PDSS2: variants seen among roughly 807,000 people sequenced by gnomAD.
The protein encoded by PDSS2 is decaprenyl diphosphate synthase subunit 2.
A neutral mutation model predicts 44.5 loss-of-function variants in PDSS2; 31 were observed. The observed-to-expected ratio is 0.70, with a 90% confidence interval of 0.52 to 0.94. The LOEUF is 0.94. Ranked by LOEUF, PDSS2 falls within the 40% of genes least tolerant of loss-of-function variation. The pLI is 0.00. For synonymous variants in PDSS2, 157 were observed against 180.3 expected (o/e 0.87, Z 1.03); for missense variants, 452 against 482.2 (o/e 0.94, Z 0.59).
intron 7 of PDSS2, chr6:107,192,247 G>A (rs996892141): frequency 2.6e-6 from 1 of 378,590 alleles, no homozygotes; most frequent in Non-Finnish European, 5.0e-6. Context: ...TGGTTTACAG[G>A]TGCTCCTATT....
At chr6:107,159,049 G>A (rs1771018513) in intron 7 of PDSS2, among the ~76,000 whole-genome samples, 1 of 152,006 alleles carries the variant, frequency 6.6e-6, no homozygotes, top group African/African-American at 2.4e-5. Context: ...TCAGTTCTAA[G>A]TGGGGATAAT....
intron 1 of PDSS2, among the ~76,000 whole-genome samples, chr6:107,335,457 A>C (rs184510737): frequency 2.4e-3 from 361 of 152,344 alleles, no homozygotes; most frequent in Non-Finnish European, 4.2e-3. Context: ...AAAGGATTAA[A>C]CCAAATTCAA....
chr6:107,272,890 T>C (rs1237923293), intron 3 of PDSS2, among the ~76,000 whole-genome samples: 2 of 152,150 alleles, frequency 1.3e-5, no homozygotes, highest in African/African-American at 4.8e-5. Flanking sequence ...CCCAGGAGTT[T>C]GAGGCTGCAG....
chr6:107,220,503 T>C (rs1773566188), intron 4 of PDSS2, among the ~76,000 whole-genome samples: 1 of 151,996 alleles, frequency 6.6e-6, no homozygotes, highest in Non-Finnish European at 1.5e-5. Flanking sequence ...TATATATCAA[T>C]ATATAGATAT....
intron 1 of PDSS2, among the ~76,000 whole-genome samples, chr6:107,435,843 T>C (rs967806186): frequency 2.0e-5 from 3 of 152,076 alleles, no homozygotes; most frequent in Non-Finnish European, 4.4e-5. Context: ...CTAAAAAAAA[T>C]CTTTGAAGCA....
chr6:107,410,461 G>A (rs1205339919), intron 1 of PDSS2, among the ~76,000 whole-genome samples: 1 of 140,886 alleles, frequency 7.1e-6, no homozygotes, highest in East Asian at 2.0e-4. Context: ...TATATGTACT[G>A]TCCTCTACGC....
intron 2 of PDSS2, among the ~76,000 whole-genome samples, chr6:107,324,518 A>G (rs1330501970): frequency 2.0e-5 from 3 of 152,188 alleles, no homozygotes; most frequent in African/African-American, 7.2e-5. Context: ...TAACATGAAT[A>G]GGTTATTAAA....
At chr6:107,441,609 G>C (rs1010323688) in intron 1 of PDSS2, among the ~76,000 whole-genome samples, 1 of 152,152 alleles carries the variant, frequency 6.6e-6, no homozygotes. Context: ...CTTTTTTGTG[G>C]AGGTGGTCAG....
intron 7 of PDSS2, among the ~76,000 whole-genome samples, chr6:107,162,483 T>C (rs186815712): frequency 0.023 from 2,281 of 99,766 alleles, 72 homozygotes; most frequent in African/African-American, 0.082. Context: ...ACAGAGTGAG[T>C]GAGACCATCT....
At chr6:107,243,252 A>G (rs1409187371) in intron 4 of PDSS2, among the ~76,000 whole-genome samples, 1 of 152,220 alleles carries the variant, frequency 6.6e-6, no homozygotes, top group Non-Finnish European at 1.5e-5. Context: ...TTATGTTTGA[A>G]TTTCAGGCTT....
At chr6:107,355,334 T>C (rs1055757325) in intron 1 of PDSS2, among the ~76,000 whole-genome samples, 23 of 152,256 alleles carry the variant, frequency 1.5e-4, no homozygotes, top group African/African-American at 5.5e-4. Flanking sequence ...AAGGTGTGAA[T>C]TTGGGTGATG....
chr6:107,446,687 C>T (rs1781693625), intron 1 of PDSS2, among the ~76,000 whole-genome samples: 1 of 152,100 alleles, frequency 6.6e-6, no homozygotes, highest in African/African-American at 2.4e-5. Flanking sequence ...CTTCACAGGC[C>T]AGCAGAAGAG....
chr6:107,309,331 G>C (rs965803125), intron 2 of PDSS2, among the ~76,000 whole-genome samples: 1 of 152,212 alleles, frequency 6.6e-6, no homozygotes, highest in Non-Finnish European at 1.5e-5. Context: ...TTTGAAGAGA[G>C]CAGAGAAGCT....
At chr6:107,385,411 C>T (rs1188930193) in intron 1 of PDSS2, among the ~76,000 whole-genome samples, 5 of 152,076 alleles carry the variant, frequency 3.3e-5, no homozygotes, top group Admixed American at 1.3e-4. Flanking sequence ...ATCCTGTTAT[C>T]CTCTTGGATC....
intron 3 of PDSS2, among the ~76,000 whole-genome samples, chr6:107,251,004 C>T (rs773937727): frequency 6.0e-4 from 91 of 152,112 alleles, no homozygotes; most frequent in African/African-American, 2.0e-3. Context: ...TACAGGTGCC[C>T]GCCACCACAC....
chr6:107,202,080 C>T (rs181759240), intron 6 of PDSS2, among the ~76,000 whole-genome samples: 5 of 152,268 alleles, frequency 3.3e-5, no homozygotes, highest in Admixed American at 2.0e-4. Context: ...CCTCTGTTGC[C>T]CAGGCTAGAG....
chr6:107,226,827 GCCTA>G (rs2114711475), intron 4 of PDSS2, among the ~76,000 whole-genome samples: 2 of 144,442 alleles, frequency 1.4e-5, no homozygotes, highest in Non-Finnish European at 3.0e-5. Flanking sequence ...GTGCCACCAT[GCCTA>G]GCTAATTTTT....
chr6:107,291,557 G>GC (rs1562440181), intron 2 of PDSS2, among the ~76,000 whole-genome samples: 3 of 148,960 alleles, frequency 2.0e-5, no homozygotes, highest in East Asian at 4.0e-4. Flanking sequence ...GAGACGGGGG[G>GC]GTCTCACTAT....
chr6:107,167,774 G>A lies in PDSS2; in HGVS notation c.1042-12997C>T, dbSNP rs139367383. On this transcript the variant is annotated intron_variant, in intron 7 of 7. Transcript: ENST00000369037. Reference sequence around the variant, plus strand: ...CAGGAGCAGGTTGTTCAGCTTCCATGTAGTTGAGCAGTTTTGGGTGAGTTT... The same window carrying A: ...CAGGAGCAGGTTGTTCAGCTTCCATATAGTTGAGCAGTTTTGGGTGAGTTT... Among the ~76,000 whole-genome samples the A allele has an allele frequency of 3.4e-4, 52 of 152,296 alleles. 2 individuals carry two copies. Among genetic ancestry groups the A allele is most frequent in the African/African-American group, 1.1e-3 (44 of 41,556 alleles).
Sources: allele counts gnomAD v4.1 joint callset (sites outside exome capture counted in the v4.1 genomes callset), GRCh38; gene constraint gnomAD v4.1.1; transcripts MANE v1.5; gene names NCBI Gene and HGNC (gene_info 2026-07-23, HGNC 2026-07-21).